The following HMCN2 variants were observed in gnomAD, a reference collection of about 807,000 sequenced individuals.
HMCN2 encodes hemicentin 2.
A neutral mutation model predicts 377.5 loss-of-function variants in HMCN2; 325 were observed. The observed-to-expected ratio is 0.86, with a 90% confidence interval of 0.79 to 0.94. The LOEUF (loss-of-function observed/expected upper bound fraction) is 0.94. Ranked by LOEUF, HMCN2 falls within the 40% of genes least tolerant of loss-of-function variation. The pLI is 0.00. For synonymous variants in HMCN2, 2,007 were observed against 2,046.8 expected (o/e 0.98, Z 0.53); for missense variants, 4,543 against 4,725.3 (o/e 0.96, Z 1.13).
In HMCN2 at chr9:130,285,165, G is replaced by T. The variant is rs1210897272; in HGVS notation, c.338G>T (p.Gly113Val). 2.1e-6 allele frequency: 1 copy of T among 471,106 alleles called. No homozygotes were observed. The highest frequency in any genetic ancestry group is 1.5e-5 in the South Asian group (1 of 64,558). The allele number at this position is 471,106 out of a possible 1,614,324, so 29.2% of individuals were successfully genotyped here. A position where few individuals can be genotyped will look rare whatever the true frequency, so the allele number is the denominator to read the frequency against. ...ELRELYVQGG[G>V]DCPEMSVGAI... ...CATGCTTCTGCCCTCCAGGGAGGTG[G>T]TGACTGCCCGGAGATGAGTGTGGGG... The change falls in exon 3 of 98, where the codon GGT becomes GTT. Residue 113 changes from glycine to valine, a missense_variant. By Grantham distance (109) the Gly-to-Val change is moderately radical (BLOSUM62 -3). Transcript: ENST00000683500.
Position 130,398,876 on chromosome 9 carries a change from A to G in HMCN2, c.11483+169A>G, listed in dbSNP as rs1187385499. Among the ~76,000 whole-genome samples the G allele has an allele frequency of 4.6e-5, 7 of 152,270 alleles. No homozygotes were observed. In the East Asian group the frequency reaches 1.4e-3, roughly 29 times the overall value. ...GGGATCAGAGAGTCTTCACACTGAG[A>G]TAGGGGTGAGGGCACTGGGGATATA... On this transcript the variant is annotated intron_variant, in intron 75 of 97. Coordinates refer to ENST00000683500, the MANE Select transcript of HMCN2 (RefSeq NM_001291815.2).
chr9:130,426,037 C>A, intron 90 of HMCN2, 113 bp downstream of exon 90: 1 of 807,500 alleles, frequency 1.2e-6, no homozygotes, highest in Non-Finnish European at 1.9e-6. Context: ...TGACCATGGG[C>A]CAGAGACTTC....
intron 7 of HMCN2, among the ~76,000 whole-genome samples, chr9:130,297,885 C>T (rs1343742434): frequency 2.6e-5 from 4 of 152,120 alleles, no homozygotes; most frequent in African/African-American, 9.7e-5. Context: ...CTGGCCTGTC[C>T]CCAGTGGAAG....
chr9:130,366,987 G>T (rs1159732264), intron 43 of HMCN2, among the ~76,000 whole-genome samples: 1 of 152,142 alleles, frequency 6.6e-6, no homozygotes, highest in Admixed American at 6.5e-5. Context: ...TGGGTGGCCA[G>T]GAATGCTCGA....
chr9:130,384,589 C>G lies in HMCN2; in HGVS notation c.8992+55C>G. 5 of 1,302,472 alleles carry G rather than the reference C, an allele frequency of 3.8e-6. No homozygotes were observed. In the Admixed American group the frequency reaches 6.9e-5, roughly 18 times the overall value. 80.7% of individuals were successfully genotyped at this position (1,302,472 alleles called of 1,614,324 possible). ...CTAAGGTTACATGGGGAGAGAGTTG[C>G]TCCCCCGACCTGGGACAGGGCCGTC... On this transcript the variant is annotated intron_variant, in intron 58 of 97. Coordinates refer to ENST00000683500, the MANE Select transcript of HMCN2 (RefSeq NM_001291815.2).
chr9:130,402,283 A>G (rs898325302), intron 77 of HMCN2, among the ~76,000 whole-genome samples: 1 of 152,206 alleles, frequency 6.6e-6, no homozygotes, highest in Non-Finnish European at 1.5e-5. Flanking sequence ...AACCCTCGTC[A>G]CTTGACTGCC....
rs574503196 is a variant in HMCN2 at position 130,304,704 on chromosome 9, T to C, written c.1544-26T>C. The C allele has an allele frequency of 1.3e-4, 59 of 446,894 alleles. No individual in the cohort carries two copies. Among genetic ancestry groups the C allele is most frequent in the South Asian group, 9.0e-4 (56 of 62,424 alleles). The allele number at this position is 446,894 out of a possible 1,614,324, so 27.7% of individuals were successfully genotyped here. ...CCCCTCCCTTGCCTCAGCTCCTTGG[T>C]TCCTCCTGTGCTCATGTCCCTGCAG... On this transcript the variant is annotated intron_variant, in intron 10 of 97. Transcript: ENST00000683500. This position sits in a 1 kb window ranked among gnomAD's most constrained non-coding sequence, Gnocchi z 4.3.
At chr9:130,420,703 C>T (rs1471402147) in intron 86 of HMCN2, among the ~76,000 whole-genome samples, 1 of 152,022 alleles carries the variant, frequency 6.6e-6, no homozygotes, top group East Asian at 1.9e-4. Flanking sequence ...CTTCATCTTC[C>T]CTGTGTGTGT....
Position 130,266,031 on chromosome 9 carries a change from C to T in HMCN2, c.153C>T (p.Asp51=), listed in dbSNP as rs896423266. The change falls in exon 1 of 98, where the codon GAC becomes GAT. Residue 51 remains aspartate (D), a synonymous_variant. Transcript: ENST00000683500. ...TCGACGTCACCGGCTCCATGTGGGA[C>T]GAACTGATGCAGGTGATCGATGGCG... is the stretch of plus-strand genomic sequence containing the variant. ...FVFDVTGSMW[D]ELMQVIDGAS... 4.2e-6 allele frequency: 2 copies of T among 470,942 alleles called. No individual in the cohort carries two copies. Among genetic ancestry groups the T allele is most frequent in the Non-Finnish European group, 8.8e-6 (2 of 227,000 alleles). The allele number at this position is 470,942 out of a possible 1,614,324, so 29.2% of individuals were successfully genotyped here.
In HMCN2 at chr9:130,360,517, G is replaced by A. The variant is rs1564815876; in HGVS notation, c.5863G>A (p.Ala1955Thr). 1.5e-6 allele frequency: 2 copies of A among 1,304,052 alleles called. No individual in the cohort carries two copies. Among genetic ancestry groups the A allele is most frequent in the Middle Eastern group, 2.1e-4 (1 of 4,720 alleles). The allele number at this position is 1,304,052 out of a possible 1,614,324, so 80.8% of individuals were successfully genotyped here. A position where few individuals can be genotyped will look rare whatever the true frequency, so the allele number is the denominator to read the frequency against. ...TGGGAGAGTTCTCCGCATTGAGCAA[G>A]CCCAGCTTTCTGATGCTGGGAGCTA... ...VDGRVLRIEQ[A>T]QLSDAGSYRC... is the part of the protein sequence containing the mutation. Residue 1955 changes from alanine (A) to threonine (T), a missense_variant, in exon 38 of 98, where the codon GCC becomes ACC. Ala to Thr is a moderately conservative substitution (Grantham distance 58). This residue lies in a region of HMCN2 where 1,032 missense variants were observed against 1,285.1 expected (regional missense o/e 0.80). Coordinates refer to ENST00000683500, the MANE Select transcript of HMCN2 (RefSeq NM_001291815.2). This position sits in a 1 kb window ranked among gnomAD's most constrained non-coding sequence, Gnocchi z 4.7.
At chr9:130,429,791 G>T in intron 94 of HMCN2, 106 bp downstream of exon 94, 1 of 1,441,604 alleles carries the variant, frequency 6.9e-7, no homozygotes, top group Non-Finnish European at 9.1e-7. Context: ...CCCACCCTCT[G>T]GCCAGCACCT....
At chr9:130,404,025 T>TC (rs1842973991) in intron 80 of HMCN2, 150 bp downstream of exon 80, 1 of 738,222 alleles carries the variant, frequency 1.4e-6, no homozygotes, top group East Asian at 7.6e-5. Flanking sequence ...GCGCCTGAGT[T>TC]CTGGTTTCAG....
chr9:130,335,095 T>A (rs1352196457), intron 22 of HMCN2, among the ~76,000 whole-genome samples: 3 of 152,162 alleles, frequency 2.0e-5, no homozygotes, highest in Non-Finnish European at 4.4e-5. Context: ...AGATGTTGAC[T>A]GCCCTGCCTG....
chr9:130,286,079 A>G (rs1835395069), intron 3 of HMCN2, 109 bp from the exon 4 acceptor site: 2 of 417,598 alleles, frequency 4.8e-6, no homozygotes, highest in African/African-American at 4.1e-5. Context: ...TGTGACAGAC[A>G]GAGGAGAGGG....
chr9:130,362,687 A>G (rs558491586), intron 39 of HMCN2, among the ~76,000 whole-genome samples, 180 bp from the exon 40 acceptor site: 1 of 152,348 alleles, frequency 6.6e-6, no homozygotes, highest in South Asian at 2.1e-4. Context: ...GCCAGCTGGC[A>G]GAGGTCCGGA....
intron 46 of HMCN2, 39 bp from the exon 47 acceptor site, chr9:130,372,255 T>A: frequency 1.2e-6 from 1 of 839,476 alleles, no homozygotes; most frequent in Non-Finnish European, 1.4e-6. Context: ...AGAATGCTGC[T>A]CAGAGCCATG....
Position 130,303,103 on chromosome 9 carries a change from G to T in HMCN2, c.1421+102G>T. The T allele has an allele frequency of 2.9e-6, 1 of 345,644 alleles. No individual in the cohort carries two copies. Among genetic ancestry groups the T allele is most frequent in the Non-Finnish European group, 6.0e-6 (1 of 165,800 alleles). The allele number at this position is 345,644 out of a possible 1,614,324, so 21.4% of individuals were successfully genotyped here. ...AGTGGGTGGCAGGAGAGAGACCTTG[G>T]TCTCTGTCATTATCCTCCTGGGCAG... On this transcript the variant is annotated intron_variant, in intron 9 of 97. Coordinates refer to ENST00000683500, the MANE Select transcript of HMCN2 (RefSeq NM_001291815.2). This position sits in a 1 kb window ranked among gnomAD's most constrained non-coding sequence, Gnocchi z 5.2.
At chr9:130,317,299 C>T (rs2131388921) in intron 15 of HMCN2, among the ~76,000 whole-genome samples, 1 of 152,242 alleles carries the variant, frequency 6.6e-6, no homozygotes, top group African/African-American at 2.4e-5. Context: ...ATGATATCCA[C>T]TTATGAGTTC....
At chr9:130,417,011 A>T (rs1843729951) in intron 85 of HMCN2, among the ~76,000 whole-genome samples, 1 of 151,922 alleles carries the variant, frequency 6.6e-6, no homozygotes, top group Admixed American at 6.6e-5. Flanking sequence ...TCCCAGGTTC[A>T]AGCAATTCTC....
Sources: gnomAD v4.1 joint callset for allele counts (sites outside exome capture counted in the v4.1 genomes callset) on GRCh38, gnomAD v4.1.1 for gene constraint, gnomAD v4.1.1 regional missense constraint, Gnocchi (gnomAD v3.1) non-coding constraint, MANE v1.5 for transcripts, NCBI Gene and HGNC (gene_info 2026-07-23, HGNC 2026-07-21) for gene names.